TRPM3: variants seen among roughly 807,000 people sequenced by gnomAD.
TRPM3 encodes the protein transient receptor potential cation channel subfamily M member 3, also known as long transient receptor potential channel 3.
TRPM3 carries 77 observed loss-of-function variants against 181.2 expected under a neutral mutation model. The ratio of observed to expected loss-of-function variants is 0.42; its 90% CI spans 0.35 to 0.51. The LOEUF (loss-of-function observed/expected upper bound fraction) is 0.51. Ranked by LOEUF, TRPM3 falls within the 20% of genes least tolerant of loss-of-function variation. The pLI is 0.01. For synonymous variants in TRPM3, 745 were observed against 796.4 expected (o/e 0.94, Z 1.09); for missense variants, 1,759 against 2,196.7 (o/e 0.80, Z 3.98).
chr9:70,643,202 G>A (rs781073326), intron 9 of TRPM3, among the ~76,000 whole-genome samples: 3 of 152,152 alleles, frequency 2.0e-5, no homozygotes, highest in Non-Finnish European at 4.4e-5. Flanking sequence ...GTGTCAAAAT[G>A]TTCTGTCATC....
At chr9:71,430,609 C>T (rs564823036) in intron 1 of TRPM3, among the ~76,000 whole-genome samples, 95 of 152,082 alleles carry the variant, frequency 6.2e-4, no homozygotes, top group Non-Finnish European at 1.2e-3. Context: ...GTCAAGAGTT[C>T]GAGACCAGCC....
At chr9:70,907,639 GA>G (rs2096486020) in intron 1 of TRPM3, among the ~76,000 whole-genome samples, 1 of 152,092 alleles carries the variant, frequency 6.6e-6, no homozygotes, top group Non-Finnish European at 1.5e-5. Context: ...AGCTTCTACT[GA>G]TCCCATTGCC....
At chr9:71,349,930 A>T (rs2091511071) in intron 1 of TRPM3, among the ~76,000 whole-genome samples, 1 of 151,030 alleles carries the variant, frequency 6.6e-6, no homozygotes, top group Non-Finnish European at 1.5e-5. Flanking sequence ...GTGCATATAT[A>T]TAGACACTCC....
chr9:71,350,363 C>G (rs549691571), intron 1 of TRPM3, among the ~76,000 whole-genome samples: 2 of 152,242 alleles, frequency 1.3e-5, no homozygotes, highest in South Asian at 2.1e-4. Context: ...TTTCAATACT[C>G]CGGTTAGTTT....
chr9:71,062,984 A>T (rs2061495757), intron 1 of TRPM3, among the ~76,000 whole-genome samples: 1 of 152,168 alleles, frequency 6.6e-6, no homozygotes. Context: ...CACAAAAGGG[A>T]CTAAGACACT....
At chr9:70,797,426 G>A (rs185176352) in intron 6 of TRPM3, among the ~76,000 whole-genome samples, 14 of 152,218 alleles carry the variant, frequency 9.2e-5, no homozygotes, top group Admixed American at 8.5e-4. Flanking sequence ...AAAATGTAGT[G>A]GGTTTTTAGG....
In TRPM3 at chr9:70,536,584, C is replaced by G; in HGVS notation, c.4529G>C (p.Arg1510Pro). 6.2e-7 allele frequency: 1 copy of G among 1,614,094 alleles called. No individual in the cohort carries two copies. Among genetic ancestry groups the G allele is most frequent in the Non-Finnish European group, 8.5e-7 (1 of 1,180,008 alleles). Residue 1510 changes from arginine to proline, a missense_variant, in exon 26 of 26, where the codon CGT becomes CCT. Coordinates refer to ENST00000677713, the MANE Select transcript of TRPM3 (RefSeq NM_001366145.2). ...SEPPMYHTIE[R>P]SKSSRYLATT... ...GGCTAGGTAGCGGCTACTTTTGGAA[C>G]GCTCAATGGTGTGGTACATCGGAGG...
intron 7 of TRPM3, among the ~76,000 whole-genome samples, chr9:70,769,584 C>T (rs2079823435): frequency 6.6e-6 from 1 of 151,914 alleles, no homozygotes; most frequent in African/African-American, 2.4e-5. Context: ...AAACATATAT[C>T]AAGACATTGC....
intron 8 of TRPM3, among the ~76,000 whole-genome samples, chr9:70,682,300 A>C (rs182463557): frequency 6.6e-6 from 1 of 152,294 alleles, no homozygotes; most frequent in East Asian, 1.9e-4. Context: ...ACATGAGGAA[A>C]GATATATATG....
intron 1 of TRPM3, among the ~76,000 whole-genome samples, chr9:70,902,927 G>A (rs568588933): frequency 2.6e-4 from 39 of 152,308 alleles, no homozygotes; most frequent in African/African-American, 9.4e-4. Context: ...CCTGCCTCCA[G>A]TTCACAGTCT....
Position 70,536,512 on chromosome 9 carries a change from CTA to C in TRPM3, c.4599_4600del (p.His1533GlnfsTer31). 1 of 1,614,172 alleles carries C rather than the reference CTA, an allele frequency of 6.2e-7. No individual in the cohort carries two copies. The highest frequency in any genetic ancestry group is 8.5e-7 in the Non-Finnish European group (1 of 1,180,044). ...GCTCCTTGAGGGGGAAAACATAAAG[CTA>C]TGAGATTTCACAATGGGAGCCTCTT... On this transcript the variant is annotated frameshift_variant, in exon 26 of 26. Transcript: ENST00000677713. LOFTEE classifies it high-confidence loss of function.
chr9:71,349,690 T>G (rs2132657045), intron 1 of TRPM3, among the ~76,000 whole-genome samples: 1 of 152,336 alleles, frequency 6.6e-6, no homozygotes, highest in East Asian at 1.9e-4. Context: ...ATGTCTTTTC[T>G]TTTGACCAAT....
At chr9:71,058,847 A>G (rs1042966649) in intron 1 of TRPM3, among the ~76,000 whole-genome samples, 1 of 151,860 alleles carries the variant, frequency 6.6e-6, no homozygotes, top group African/African-American at 2.4e-5. Flanking sequence ...GTAGTCACTC[A>G]GATGATTTGT....
chr9:70,636,819 C>G (rs2057289007), intron 11 of TRPM3, among the ~76,000 whole-genome samples: 1 of 151,678 alleles, frequency 6.6e-6, no homozygotes, highest in Non-Finnish European at 1.5e-5. Flanking sequence ...TCTGGAGTAG[C>G]TGGGATTACA....
intron 1 of TRPM3, among the ~76,000 whole-genome samples, chr9:71,353,788 G>A (rs947316567): frequency 3.3e-5 from 5 of 152,278 alleles, no homozygotes; most frequent in Middle Eastern, 3.4e-3. Context: ...GTTGAGGGCT[G>A]CATATTCTTC....
intron 1 of TRPM3, 102 bp downstream of exon 1, chr9:71,121,076 A>G: frequency 8.3e-7 from 1 of 1,200,542 alleles, no homozygotes; most frequent in South Asian, 1.5e-5. Flanking sequence ...TACTGCATGC[A>G]TTTAGGCTCC....
intron 1 of TRPM3, among the ~76,000 whole-genome samples, chr9:71,151,919 T>C (rs1162991432): frequency 1.3e-5 from 2 of 152,100 alleles, no homozygotes; most frequent in Non-Finnish European, 2.9e-5. Context: ...GTTTTTTACT[T>C]CAACTATCTG....
At chr9:71,213,149 T>C (rs2079614693) in intron 1 of TRPM3, among the ~76,000 whole-genome samples, 2 of 152,200 alleles carry the variant, frequency 1.3e-5, no homozygotes, top group African/African-American at 4.8e-5. Context: ...ACTATTCCAC[T>C]ATGGCACTGC....
chr9:70,818,863 T>C (rs1160393513), intron 6 of TRPM3, among the ~76,000 whole-genome samples: 9 of 152,236 alleles, frequency 5.9e-5, no homozygotes, highest in Admixed American at 5.9e-4. Flanking sequence ...AACTTCCCAA[T>C]AGCAAGTGGC....
Sources: allele counts gnomAD v4.1 joint callset (sites outside exome capture counted in the v4.1 genomes callset), GRCh38; gene constraint gnomAD v4.1.1; transcripts MANE v1.5; gene names NCBI Gene and HGNC (gene_info 2026-07-23, HGNC 2026-07-21).